The following PRKG1 variants were observed in gnomAD, a reference collection of about 807,000 sequenced individuals.
The protein encoded by PRKG1 is cGMP-dependent protein kinase 1.
In PRKG1, 35 loss-of-function variants were observed where a neutral mutation model predicts 88.1. The ratio of observed to expected loss-of-function variants is 0.40; its 90% confidence interval spans 0.30 to 0.53. The LOEUF (loss-of-function observed/expected upper bound fraction) is 0.53, where lower values mean the gene tolerates loss of function less well. PRKG1 is among the 20% of genes least tolerant of loss of function. PRKG1 has a pLI of 0.59. For synonymous variants in PRKG1, 303 were observed against 292.5 expected (o/e 1.04, Z -0.37); for missense variants, 540 against 839.8 (o/e 0.64, Z 4.41).
intron 5 of PRKG1, among the ~76,000 whole-genome samples, chr10:51,920,423 C>A (rs906942579): frequency 2.6e-5 from 4 of 152,148 alleles, no homozygotes; most frequent in Non-Finnish European, 5.9e-5. Flanking sequence ...AGCCATCTTG[C>A]CGATTTCCCA....
At chr10:51,016,669 C>CTTTTTTTTT (rs1323068893) in intron 1 of PRKG1, among the ~76,000 whole-genome samples, 6 of 22,766 alleles carry the variant, frequency 2.6e-4, no homozygotes, top group Non-Finnish European at 4.1e-4. Flanking sequence ...TATTATTATC[C>CTTTTTTTTT]TTTCTTTTTT....
intron 1 of PRKG1, among the ~76,000 whole-genome samples, chr10:50,999,738 C>T (rs1842869440): frequency 1.3e-5 from 2 of 152,206 alleles, no homozygotes; most frequent in African/African-American, 2.4e-5. Flanking sequence ...TGATGCTTCT[C>T]ATTGCCCCCA....
intron 2 of PRKG1, among the ~76,000 whole-genome samples, chr10:51,279,127 T>C (rs1840218001): frequency 6.6e-6 from 1 of 152,230 alleles, no homozygotes; most frequent in Non-Finnish European, 1.5e-5. Context: ...CTGCTTTAAA[T>C]GTGCCCCAGA....
At chr10:51,118,224 C>T (rs1235617694) in intron 1 of PRKG1, among the ~76,000 whole-genome samples, 1 of 151,454 alleles carries the variant, frequency 6.6e-6, no homozygotes, top group East Asian at 1.9e-4. Context: ...GTTGATGGAG[C>T]AAAGAGAAGT....
chr10:52,173,454 C>T (rs1385082393), intron 9 of PRKG1, among the ~76,000 whole-genome samples: 1 of 152,070 alleles, frequency 6.6e-6, no homozygotes, highest in African/African-American at 2.4e-5. Context: ...CCCCATGAAT[C>T]CTTTTAGAAA....
intron 1 of PRKG1, among the ~76,000 whole-genome samples, chr10:51,039,881 C>T (rs149070164): frequency 2.6e-5 from 4 of 152,210 alleles, no homozygotes; most frequent in African/African-American, 4.8e-5. Flanking sequence ...AGCGAATTCA[C>T]TGTAGATGTA....
rs1837375219 is a variant in PRKG1, at chr10:51,182,564, G to A, written c.478+29234G>A. On this transcript the variant is annotated intron_variant, in intron 2 of 17. Transcript: ENST00000373980. ...CTACTGCCCATATTTATAACTGATAGCATGTCACAGGGGTTAGAGTGGGTA... is the reference window on the plus strand; with the variant it reads ...CTACTGCCCATATTTATAACTGATAACATGTCACAGGGGTTAGAGTGGGTA... Among the ~76,000 whole-genome samples the A allele has an allele frequency of 2.0e-5, 3 of 152,170 alleles. No individual in the cohort carries two copies. The South Asian group carries it at 6.2e-4, about 31-fold the overall frequency.
intron 3 of PRKG1, among the ~76,000 whole-genome samples, chr10:51,591,449 T>C (rs536633053): frequency 6.6e-6 from 1 of 152,350 alleles, no homozygotes; most frequent in South Asian, 2.1e-4. Flanking sequence ...TAACTTTTGA[T>C]TTTTGAGGAT....
intron 5 of PRKG1, among the ~76,000 whole-genome samples, chr10:51,970,709 C>CTGATATATATATCAGATATATCAGA (rs1564733808): frequency 5.8e-5 from 8 of 137,424 alleles, no homozygotes; most frequent in Non-Finnish European, 9.1e-5. Context: ...GATATATCAT[C>CTGATATATATATCAGATATATCAGA]TGATATATAT....
chr10:51,933,109 T>A (rs752541122), intron 5 of PRKG1, among the ~76,000 whole-genome samples: 1 of 152,102 alleles, frequency 6.6e-6, no homozygotes, highest in African/African-American at 2.4e-5. Context: ...AGATGCAAGA[T>A]GTCATGTGCG....
chr10:51,743,478 A>G (rs908334075), intron 3 of PRKG1, among the ~76,000 whole-genome samples: 1 of 151,650 alleles, frequency 6.6e-6, no homozygotes, highest in African/African-American at 2.4e-5. Context: ...AGCCAGCGAC[A>G]AGGCAACTGG....
At chr10:52,028,563 T>A (rs575000215) in intron 5 of PRKG1, among the ~76,000 whole-genome samples, 1 of 152,368 alleles carries the variant, frequency 6.6e-6, no homozygotes, top group Admixed American at 6.5e-5. Flanking sequence ...CTCATTGTTC[T>A]GTATAACATG....
At chr10:52,285,698 C>A (rs1842103350) in intron 14 of PRKG1, among the ~76,000 whole-genome samples, 3 of 152,058 alleles carry the variant, frequency 2.0e-5, no homozygotes, top group Admixed American at 2.0e-4. Context: ...TCTATAATTT[C>A]TTTGAGGCTA....
chr10:51,174,310 A>G (rs1186689566), intron 2 of PRKG1, among the ~76,000 whole-genome samples: 1 of 151,980 alleles, frequency 6.6e-6, no homozygotes, highest in Non-Finnish European at 1.5e-5. Context: ...GGTGCTTGTG[A>G]TCATGAATGA....
At chr10:52,259,859 C>T (rs980675101) in intron 10 of PRKG1, among the ~76,000 whole-genome samples, 2 of 152,022 alleles carry the variant, frequency 1.3e-5, no homozygotes, top group African/African-American at 4.8e-5. Context: ...AGGCAAAATC[C>T]AGTAAATTCT....
At chr10:52,013,493 G>A (rs1019588352) in intron 5 of PRKG1, among the ~76,000 whole-genome samples, 2 of 152,088 alleles carry the variant, frequency 1.3e-5, no homozygotes, top group Admixed American at 1.3e-4. Flanking sequence ...GTGAGGAGGA[G>A]GAGGTAGTAT....
intron 3 of PRKG1, chr10:51,699,406 T>C (rs772042019): frequency 8.1e-6 from 13 of 1,614,066 alleles, no homozygotes; most frequent in South Asian, 4.4e-5. Context: ...CTCTATCGTA[T>C]ACCAGCCGGA....
intron 3 of PRKG1, among the ~76,000 whole-genome samples, chr10:51,793,991 T>C (rs1838942900): frequency 6.6e-6 from 1 of 152,066 alleles, no homozygotes; most frequent in Non-Finnish European, 1.5e-5. Flanking sequence ...CTCAAACCCC[T>C]GACCTCAGTT....
intron 6 of PRKG1, among the ~76,000 whole-genome samples, 171 bp from the exon 7 acceptor site, chr10:52,062,366 T>A (rs1846256756): frequency 6.6e-6 from 1 of 152,216 alleles, no homozygotes; most frequent in Non-Finnish European, 1.5e-5. Context: ...TCTTGTGGTT[T>A]TCCTGGGAAT....
Sources: gnomAD v4.1 joint callset for allele counts (sites outside exome capture counted in the v4.1 genomes callset) on GRCh38, gnomAD v4.1.1 for gene constraint, MANE v1.5 for transcripts, NCBI Gene and HGNC (gene_info 2026-07-23, HGNC 2026-07-21) for gene names.